Variants in CACNA1E observed in about 807,000 individuals in gnomAD.
CACNA1E encodes the protein voltage-dependent R-type calcium channel subunit alpha-1E.
Under a neutral mutation model 259.2 loss-of-function variants are expected in CACNA1E, and 40 were observed. The observed-to-expected ratio is 0.15, with a 90% CI of 0.12 to 0.20. CACNA1E has a LOEUF of 0.20. Among genes scored for constraint, CACNA1E ranks in the 10% least tolerant of loss-of-function variants. CACNA1E has a pLI of 1.00. For synonymous variants in CACNA1E, 1,104 were observed against 1,138.5 expected (o/e 0.97, Z 0.61); for missense variants, 1,874 against 3,040.1 (o/e 0.62, Z 9.02).
intron 1 of CACNA1E, among the ~76,000 whole-genome samples, chr1:181,409,390 C>T (rs1657688395): frequency 6.6e-6 from 1 of 152,180 alleles, no homozygotes. Flanking sequence ...AAAATGGTCA[C>T]ATGGCCCCAC....
At chr1:181,619,131 A>G (rs1655488345) in intron 6 of CACNA1E, among the ~76,000 whole-genome samples, 1 of 152,084 alleles carries the variant, frequency 6.6e-6, no homozygotes, top group Non-Finnish European at 1.5e-5. Flanking sequence ...GTGTAAAAAT[A>G]AAACAGATAA....
chr1:181,352,304 A>G (rs1360927651), intron 1 of CACNA1E, among the ~76,000 whole-genome samples: 1 of 152,272 alleles, frequency 6.6e-6, no homozygotes, highest in East Asian at 1.9e-4. Flanking sequence ...AAATGACGGC[A>G]TCCAAGTGAG....
chr1:181,341,437 C>A (rs1469714171), intron 1 of CACNA1E, among the ~76,000 whole-genome samples: 1 of 152,212 alleles, frequency 6.6e-6, no homozygotes, highest in Non-Finnish European at 1.5e-5. Flanking sequence ...ACACCCCCAC[C>A]TTCCTCCTCC....
chr1:181,349,012 G>A (rs2102662209), intron 1 of CACNA1E, among the ~76,000 whole-genome samples: 1 of 151,830 alleles, frequency 6.6e-6, no homozygotes, highest in Non-Finnish European at 1.5e-5. Context: ...ATTCTCCTGG[G>A]CAGAGACAGC....
At chr1:181,541,689 G>A (rs1668595993) in intron 3 of CACNA1E, among the ~76,000 whole-genome samples, 1 of 152,172 alleles carries the variant, frequency 6.6e-6, no homozygotes, top group Non-Finnish European at 1.5e-5. Context: ...GTTATGTTTT[G>A]ACCTGCAAAG....
At chr1:181,608,666 C>T (rs191909999) in intron 6 of CACNA1E, among the ~76,000 whole-genome samples, 1 of 152,256 alleles carries the variant, frequency 6.6e-6, no homozygotes, top group African/African-American at 2.4e-5. Flanking sequence ...CCCCAGGGCA[C>T]AGAGAAGCCC....
In CACNA1E at chr1:181,725,000, T is replaced by C. The variant is rs537128140; in HGVS notation, c.2142+463T>C. Among the ~76,000 whole-genome samples the C allele has an allele frequency of 2.0e-5, 3 of 152,342 alleles. No individual in the cohort carries two copies. The South Asian group carries it at 6.2e-4, about 32-fold the overall frequency. On this transcript the variant is annotated intron_variant, in intron 17 of 47. Transcript: ENST00000367573. ...GATATTCCAGTAGGCAAAGGTCATT[T>C]TGGGGAAATTTCAATGAAGCCAGAT...
chr1:181,683,964 T>C (rs959477546), intron 7 of CACNA1E, among the ~76,000 whole-genome samples: 1 of 152,162 alleles, frequency 6.6e-6, no homozygotes, highest in Non-Finnish European at 1.5e-5. Context: ...AGATTGCTCC[T>C]TCAGGCCAGG....
At position 181,354,142 on chromosome 1, in the gene CACNA1E, G is replaced by A. The variant is rs1024420442; in HGVS notation, c.-15+36019G>A. On this transcript the variant is annotated intron_variant, in intron 1 of 11. Coordinates refer to the CACNA1E transcript ENST00000524607. ...GACTGGCAGCTGAATAAGGGCAGAG[G>A]ACTTTTTTTTTTTTTTTTTTAAACA... Among the ~76,000 whole-genome samples, 10 of 139,088 alleles carry A rather than the reference G, an allele frequency of 7.2e-5. No individual in the cohort carries two copies. In the South Asian group the frequency reaches 2.0e-3, roughly 28 times the overall value. 91.2% of individuals were successfully genotyped at this position (139,088 alleles called of 152,430 possible).
At chr1:181,710,483 T>C (rs1040187751) in intron 7 of CACNA1E, among the ~76,000 whole-genome samples, 7 of 152,130 alleles carry the variant, frequency 4.6e-5, no homozygotes, top group Admixed American at 1.3e-4. Context: ...TAATACTTCA[T>C]AGGATGGTCG....
intron 1 of CACNA1E, among the ~76,000 whole-genome samples, chr1:181,377,770 T>TA (rs577715338): frequency 4.0e-4 from 61 of 152,314 alleles, no homozygotes; most frequent in African/African-American, 1.3e-3. Context: ...TGTGCTACAG[T>TA]AAAAAATGAA....
In CACNA1E at chr1:181,737,668, G is replaced by T. The variant is rs1656176253; in HGVS notation, c.3552+14G>T. 1.9e-6 allele frequency: 3 copies of T among 1,612,234 alleles called. No individual in the cohort carries two copies. Among genetic ancestry groups the T allele is most frequent in the Middle Eastern group, 1.7e-4 (1 of 6,056 alleles). On this transcript the variant is annotated intron_variant, in intron 23 of 47. Coordinates refer to ENST00000367573, the MANE Select transcript of CACNA1E (RefSeq NM_001205293.3). ...GAGCGCAACAAAGTGGGTACACAGG[G>T]GCCATGTGCCAGCCTCTGTAGTGCT...
intron 6 of CACNA1E, among the ~76,000 whole-genome samples, chr1:181,618,079 C>T (rs1655389396): frequency 6.6e-6 from 1 of 152,134 alleles, no homozygotes; most frequent in Non-Finnish European, 1.5e-5. Flanking sequence ...ATTTAATTCG[C>T]CTACGGTGCT....
intron 25 of CACNA1E, 100 bp downstream of exon 25, chr1:181,739,353 G>A (rs959328903): frequency 3.7e-6 from 3 of 818,452 alleles, no homozygotes; most frequent in Admixed American, 2.0e-5. Context: ...GCAGGGTGAT[G>A]CCAAAGAATG....
At chr1:181,730,728 A>G (rs928325007) in intron 18 of CACNA1E, among the ~76,000 whole-genome samples, 7 of 152,216 alleles carry the variant, frequency 4.6e-5, no homozygotes, top group African/African-American at 1.4e-4. Context: ...AGGTTCTGCT[A>G]TGGGAGTCAT....
At chr1:181,466,113 A>G (rs1199130720) in intron 2 of CACNA1E, among the ~76,000 whole-genome samples, 3 of 152,180 alleles carry the variant, frequency 2.0e-5, no homozygotes, top group Non-Finnish European at 4.4e-5. Context: ...TTTTTGCTGT[A>G]GAGTTGATTT....
At chr1:181,547,369 C>A (rs1206859308) in intron 3 of CACNA1E, among the ~76,000 whole-genome samples, 3 of 152,228 alleles carry the variant, frequency 2.0e-5, no homozygotes, top group Admixed American at 1.3e-4. Flanking sequence ...TCATGATCTG[C>A]CCTCCTCTGG....
chr1:181,470,258 A>C (rs1662418640), intron 2 of CACNA1E, among the ~76,000 whole-genome samples: 1 of 151,998 alleles, frequency 6.6e-6, no homozygotes, highest in Non-Finnish European at 1.5e-5. Flanking sequence ...CTGTGATCAC[A>C]GCTCACTGCA....
chr1:181,519,330 G>A (rs990860603), intron 3 of CACNA1E, among the ~76,000 whole-genome samples: 1 of 152,174 alleles, frequency 6.6e-6, no homozygotes, highest in African/African-American at 2.4e-5. Flanking sequence ...GTGTTGGTGT[G>A]AAATGTGAAA....
Sources: allele counts gnomAD v4.1 joint callset (sites outside exome capture counted in the v4.1 genomes callset), GRCh38; gene constraint gnomAD v4.1.1; transcripts MANE v1.5; gene names NCBI Gene and HGNC (gene_info 2026-07-23, HGNC 2026-07-21).